ZNF827: variants seen among roughly 807,000 people sequenced by gnomAD.
ZNF827 encodes the protein zinc finger protein 827.
A neutral mutation model predicts 102.4 loss-of-function variants in ZNF827; 13 were observed. That is an observed-to-expected ratio of 0.13 (90% CI 0.08 to 0.20). The LOEUF is 0.20. Among genes scored for constraint, ZNF827 ranks in the 10% least tolerant of loss-of-function variants. The pLI is 1.00. For synonymous variants in ZNF827, 523 were observed against 536.2 expected (o/e 0.98, Z 0.34); for missense variants, 1,103 against 1,344.4 (o/e 0.82, Z 2.81).
At chr4:145,868,142 G>A (rs1243005808) in intron 5 of ZNF827, among the ~76,000 whole-genome samples, 2 of 152,150 alleles carry the variant, frequency 1.3e-5, no homozygotes, top group East Asian at 1.9e-4. Context: ...TTGCTTTTAA[G>A]TCACATGCCT....
At chr4:145,833,083 G>A (rs1483332873) in intron 7 of ZNF827, 58 of 210,668 alleles carry the variant, frequency 2.8e-4, no homozygotes, top group African/African-American at 8.8e-4. Context: ...TCTTTGCTCC[G>A]TGAGAAAGAT....
intron 2 of ZNF827, among the ~76,000 whole-genome samples, chr4:145,896,168 T>A (rs1002944115): frequency 6.6e-6 from 1 of 152,036 alleles, no homozygotes; most frequent in Non-Finnish European, 1.5e-5. Context: ...GTAGTAAGAG[T>A]AGTGACAATA....
At chr4:145,847,901 C>T (rs1419838317) in intron 6 of ZNF827, among the ~76,000 whole-genome samples, 2 of 152,160 alleles carry the variant, frequency 1.3e-5, no homozygotes, top group African/African-American at 4.8e-5. Context: ...CCTTTCTGTC[C>T]ACTCAACAAT....
intron 1 of ZNF827, among the ~76,000 whole-genome samples, chr4:145,913,318 C>T (rs1289633424): frequency 2.0e-5 from 3 of 147,184 alleles, no homozygotes; most frequent in South Asian, 2.2e-4. Context: ...CCCAGCTACT[C>T]GGGAGGCTGA....
chr4:145,836,530 C>T (rs143888715), intron 7 of ZNF827, among the ~76,000 whole-genome samples: 2,496 of 152,300 alleles, frequency 0.016, 63 homozygotes, highest in African/African-American at 0.057. Flanking sequence ...TGCTCCCCGG[C>T]TCCTTCAGCT....
intron 4 of ZNF827, among the ~76,000 whole-genome samples, chr4:145,875,380 G>A (rs1050145359): frequency 9.2e-5 from 14 of 152,264 alleles, no homozygotes; most frequent in Non-Finnish European, 4.4e-5. Flanking sequence ...TTTCTCACTG[G>A]AAATGCATCC....
At chr4:145,823,371 G>C (rs545260796) in intron 8 of ZNF827, 51 bp downstream of exon 8, 1 of 1,450,906 alleles carries the variant, frequency 6.9e-7, no homozygotes, top group African/African-American at 1.4e-5. Context: ...TTTCAGAAAA[G>C]TAATTCTTAA....
At chr4:145,806,233 C>T (rs1741429611) in intron 8 of ZNF827, among the ~76,000 whole-genome samples, 1 of 150,476 alleles carries the variant, frequency 6.6e-6, no homozygotes, top group African/African-American at 2.5e-5. Context: ...CTCACTGCAA[C>T]CTCTGCCTCC....
Position 145,761,320 on chromosome 4 carries a change from C to T in ZNF827, c.*296G>A, listed in dbSNP as rs1182232386. On this transcript the variant is annotated 3_prime_UTR_variant, in exon 15 of 15. Transcript: ENST00000508784. This position sits in a 1 kb window ranked among gnomAD's most constrained non-coding sequence, Gnocchi z 6.8. ...CTTGTGCAGGTTGAGATTGTCCTTG[C>T]GCTTGCAGCTGTAGCTGCACTGGTC... The T allele has an allele frequency of 7.8e-7, 1 of 1,289,942 alleles. No homozygotes were observed. The highest frequency in any genetic ancestry group is 1.0e-6 in the Non-Finnish European group (1 of 988,908). The allele number at this position is 1,289,942 out of a possible 1,614,324, so 79.9% of individuals were successfully genotyped here. A position where few individuals can be genotyped will look rare whatever the true frequency, so the allele number is the denominator to read the frequency against.
At chr4:145,924,058 G>A (rs1224471996) in intron 1 of ZNF827, among the ~76,000 whole-genome samples, 2 of 152,332 alleles carry the variant, frequency 1.3e-5, no homozygotes, top group East Asian at 1.9e-4. Flanking sequence ...AAATACTGGA[G>A]AGCAGTGAAA....
intron 6 of ZNF827, among the ~76,000 whole-genome samples, chr4:145,847,542 T>G (rs182757610): frequency 6.6e-6 from 1 of 152,336 alleles, no homozygotes; most frequent in East Asian, 1.9e-4. Flanking sequence ...AAATATCATT[T>G]AGACAAGAAG....
chr4:145,775,345 C>T (rs1736893510), intron 10 of ZNF827, among the ~76,000 whole-genome samples: 1 of 151,962 alleles, frequency 6.6e-6, no homozygotes. Context: ...AATCCACATA[C>T]TAAAGTGTGA....
rs1734705553 is a variant in ZNF827, at chr4:145,762,598, T to A, written c.*17+492A>T. On this transcript the variant is annotated intron_variant, in intron 14 of 14. Coordinates refer to ENST00000508784, the MANE Select transcript of ZNF827 (RefSeq NM_001306215.2). The surrounding 1 kb of genome is among the most constrained non-coding windows in gnomAD (Gnocchi z 4.9). ...AGGGCGGATGCTGGTCCCAGCTCCATCACCTTGTCAGGCTGGAGCTGGACA... is the reference window on the plus strand; with the variant it reads ...AGGGCGGATGCTGGTCCCAGCTCCAACACCTTGTCAGGCTGGAGCTGGACA... Among the ~76,000 whole-genome samples, 1 of 152,120 alleles carries A rather than the reference T, an allele frequency of 6.6e-6. No homozygotes were observed. Among genetic ancestry groups the A allele is most frequent in the Non-Finnish European group, 1.5e-5 (1 of 68,008 alleles).
intron 11 of ZNF827, 101 bp downstream of exon 11, chr4:145,774,405 G>A (rs1736725277): frequency 1.5e-6 from 2 of 1,312,092 alleles, no homozygotes; most frequent in Non-Finnish European, 2.1e-6. Context: ...AAGGAAAAGG[G>A]CAATGTCTCA....
chr4:145,770,195 G>A (rs960732786), intron 11 of ZNF827, among the ~76,000 whole-genome samples: 1 of 152,012 alleles, frequency 6.6e-6, no homozygotes, highest in East Asian at 1.9e-4. Flanking sequence ...GCTACTCAGG[G>A]GGCTGAGACA....
chr4:145,926,299 C>T lies in ZNF827; in HGVS notation c.43+12066G>A, dbSNP rs148240342. ...TATATTTGAATGTAGTGATCATGCA[C>T]AATTTTTATCCACCCCCACTCTTAA... On this transcript the variant is annotated intron_variant, in intron 1 of 14. Transcript: ENST00000508784. 5.6e-3 allele frequency among the ~76,000 whole-genome samples: 848 copies of T among 152,330 alleles called. 3 individuals are homozygous for T. The highest frequency in any genetic ancestry group is 9.1e-3 in the Non-Finnish European group (616 of 68,020).
At chr4:145,824,580 T>C (rs891666257) in intron 7 of ZNF827, among the ~76,000 whole-genome samples, 2 of 152,088 alleles carry the variant, frequency 1.3e-5, no homozygotes, top group African/African-American at 4.8e-5. Context: ...CCAGAGGAGA[T>C]GCAGCTGCCA....
At chr4:145,890,359 C>G (rs1479462674) in intron 3 of ZNF827, among the ~76,000 whole-genome samples, 2 of 152,166 alleles carry the variant, frequency 1.3e-5, no homozygotes, top group Non-Finnish European at 2.9e-5. Flanking sequence ...GTTCTGAAAG[C>G]ATTCTAAGAC....
chr4:145,764,875 C>A (rs767448251), intron 13 of ZNF827, 113 bp downstream of exon 13: 1 of 1,472,076 alleles, frequency 6.8e-7, no homozygotes, highest in South Asian at 1.2e-5. Flanking sequence ...CCTCTCATAC[C>A]AAGCTCCCCT....
Sources: allele counts gnomAD v4.1 joint callset (sites outside exome capture counted in the v4.1 genomes callset), GRCh38; gene constraint gnomAD v4.1.1; non-coding constraint Gnocchi (gnomAD v3.1); transcripts MANE v1.5; gene names NCBI Gene and HGNC (gene_info 2026-07-23, HGNC 2026-07-21).